ST6GAL1: variants seen among roughly 807,000 people sequenced by gnomAD.
ST6GAL1 encodes the protein ST6 beta-galactoside alpha-2,6-sialyltransferase 1, also known as beta-galactoside alpha-2,6-sialyltransferase 1.
A neutral mutation model predicts 38.0 loss-of-function variants in ST6GAL1; 20 were observed. The observed-to-expected ratio is 0.53, with a 90% CI of 0.37 to 0.77. The LOEUF is 0.77. Ranked by LOEUF, ST6GAL1 falls within the 30% of genes least tolerant of loss-of-function variation. ST6GAL1 has a pLI of 0.00. For missense variants in ST6GAL1, 432 were observed against 496.4 expected (o/e 0.87, Z 1.23); for synonymous variants, 196 against 188.2 (o/e 1.04, Z -0.34).
chr3:186,939,910 C>T (rs769684134), intron 1 of ST6GAL1, among the ~76,000 whole-genome samples: 6 of 152,234 alleles, frequency 3.9e-5, no homozygotes, highest in Non-Finnish European at 7.3e-5. Flanking sequence ...CCCTCTCTCA[C>T]ACCCCATCTA....
At chr3:186,990,452 T>A (rs1472631725) in intron 2 of ST6GAL1, among the ~76,000 whole-genome samples, 1 of 152,144 alleles carries the variant, frequency 6.6e-6, no homozygotes, top group Non-Finnish European at 1.5e-5. Context: ...GTGTTCATGT[T>A]CAGTCCATGG....
intron 2 of ST6GAL1, among the ~76,000 whole-genome samples, chr3:186,990,694 G>T (rs1057018190): frequency 1.1e-4 from 15 of 131,824 alleles, no homozygotes; most frequent in Non-Finnish European, 2.4e-4. Context: ...TTTCAATAAA[G>T]AAAATAAAGC....
chr3:186,968,294 A>G (rs1715221354), intron 2 of ST6GAL1, among the ~76,000 whole-genome samples: 1 of 152,198 alleles, frequency 6.6e-6, no homozygotes, highest in Non-Finnish European at 1.5e-5. Context: ...TTATTTATAT[A>G]AAGTTTTTTC....
intron 2 of ST6GAL1, among the ~76,000 whole-genome samples, chr3:186,972,152 G>T (rs1715369159): frequency 1.3e-5 from 2 of 152,126 alleles, no homozygotes; most frequent in South Asian, 2.1e-4. Context: ...GCATAGAGAG[G>T]TCTCATAGCT....
At chr3:186,989,176 A>G (rs1384782195) in intron 2 of ST6GAL1, among the ~76,000 whole-genome samples, 1 of 152,190 alleles carries the variant, frequency 6.6e-6, no homozygotes, top group Non-Finnish European at 1.5e-5. Context: ...CAGAAAAGTT[A>G]GGAGATTCAG....
intron 5 of ST6GAL1, 26 bp downstream of exon 5, chr3:187,051,372 G>T: frequency 6.2e-7 from 1 of 1,607,778 alleles, no homozygotes; most frequent in South Asian, 1.1e-5. Flanking sequence ...TGCAGCTATG[G>T]AGTAAGAGAA....
At chr3:187,056,873 C>T (rs545272282) in intron 5 of ST6GAL1, among the ~76,000 whole-genome samples, 41 of 152,286 alleles carry the variant, frequency 2.7e-4, no homozygotes, top group Non-Finnish European at 5.6e-4. Flanking sequence ...GGGAAGTTCT[C>T]CTGGGTAATA....
chr3:187,009,185 A>G (rs964845308), intron 2 of ST6GAL1, among the ~76,000 whole-genome samples: 2 of 151,348 alleles, frequency 1.3e-5, no homozygotes, highest in African/African-American at 4.9e-5. Context: ...TATTTATTCA[A>G]TCTATATTGT....
At chr3:186,969,977 C>G (rs1715290927) in intron 2 of ST6GAL1, among the ~76,000 whole-genome samples, 1 of 152,064 alleles carries the variant, frequency 6.6e-6, no homozygotes, top group South Asian at 2.1e-4. Flanking sequence ...TTTTATTTAA[C>G]TTTTTATTTG....
intron 2 of ST6GAL1, among the ~76,000 whole-genome samples, chr3:187,020,312 CAAAA>C (rs917517992): frequency 6.6e-6 from 1 of 151,730 alleles, no homozygotes; most frequent in African/African-American, 2.4e-5. Context: ...AACAAACAAA[CAAAA>C]AACAAAACAC....
At chr3:187,058,155 G>A (rs9881904) in intron 5 of ST6GAL1, among the ~76,000 whole-genome samples, 9,472 of 152,232 alleles carry the variant, frequency 0.062, 987 homozygotes, top group African/African-American at 0.22. Flanking sequence ...TTGGAAAAGC[G>A]CAGTGTTTGG....
rs536324406 is a variant in ST6GAL1, at chr3:187,049,504, G to C, written c.608-1745G>C. ...CCCTCAGGCTCCTTCTTGCCCGGAG[G>C]TTGGCAATAGCTGTGTTCCTCTCCT... On this transcript the variant is annotated intron_variant, in intron 4 of 7. Coordinates refer to ENST00000169298, the MANE Select transcript of ST6GAL1 (RefSeq NM_173216.2). Among the ~76,000 whole-genome samples, 10 of 152,310 alleles carry C rather than the reference G, an allele frequency of 6.6e-5. No homozygotes were observed. The South Asian group carries it at 1.9e-3, about 28-fold the overall frequency.
intron 2 of ST6GAL1, among the ~76,000 whole-genome samples, chr3:187,005,527 G>A (rs1457732538): frequency 1.3e-5 from 2 of 151,802 alleles, no homozygotes; most frequent in African/African-American, 4.8e-5. Flanking sequence ...TGCCCGCCTC[G>A]GCCTCCCAAA....
chr3:187,019,762 G>T (rs1201298660), intron 2 of ST6GAL1, among the ~76,000 whole-genome samples: 1 of 152,190 alleles, frequency 6.6e-6, no homozygotes, highest in African/African-American at 2.4e-5. Context: ...GGGCAACAGG[G>T]TGTCAAGCAC....
At chr3:187,074,122 A>T (rs1477520141) in intron 6 of ST6GAL1, 37 bp from the exon 7 acceptor site, 3 of 1,557,938 alleles carry the variant, frequency 1.9e-6, no homozygotes, top group South Asian at 2.5e-5. Flanking sequence ...TCACTGGCCC[A>T]TTTCTCCCTT....
intron 1 of ST6GAL1, among the ~76,000 whole-genome samples, chr3:186,947,301 A>G (rs1200321058): frequency 6.6e-6 from 1 of 152,138 alleles, no homozygotes; most frequent in African/African-American, 2.4e-5. Flanking sequence ...CACATACACG[A>G]AAAGTGCAAT....
At chr3:186,997,793 C>T (rs1329899131) in intron 2 of ST6GAL1, among the ~76,000 whole-genome samples, 5 of 150,694 alleles carry the variant, frequency 3.3e-5, no homozygotes, top group Non-Finnish European at 7.4e-5. Flanking sequence ...CAGTGCTGAC[C>T]ATATTGAGAC....
In ST6GAL1 at chr3:187,018,641, A is replaced by G. The variant is rs554452792; in HGVS notation, c.-182-20101A>G. Among the ~76,000 whole-genome samples, 9 of 152,290 alleles carry G rather than the reference A, an allele frequency of 5.9e-5. No homozygotes were observed. In the South Asian group the frequency reaches 1.9e-3, roughly 32 times the overall value. ...TCTGGCTACAATGGCAGCAGATTAG[A>G]TGGTGCCCACCCAGATTAAGGGTGG... On this transcript the variant is annotated intron_variant, in intron 2 of 7. Coordinates refer to ENST00000169298, the MANE Select transcript of ST6GAL1 (RefSeq NM_173216.2).
intron 2 of ST6GAL1, among the ~76,000 whole-genome samples, chr3:187,007,617 CAT>C (rs2108556558): frequency 1.3e-5 from 2 of 152,260 alleles, no homozygotes; most frequent in African/African-American, 4.8e-5. Context: ...AGTCTCACAA[CAT>C]ATTAAAAAAT....
Sources: gnomAD v4.1 joint callset for allele counts (sites outside exome capture counted in the v4.1 genomes callset) on GRCh38, gnomAD v4.1.1 for gene constraint, MANE v1.5 for transcripts, NCBI Gene and HGNC (gene_info 2026-07-23, HGNC 2026-07-21) for gene names.